ENTPD5: variants seen among roughly 807,000 people sequenced by gnomAD.
The protein encoded by ENTPD5 is nucleoside diphosphate phosphatase ENTPD5.
Under a neutral mutation model 60.2 loss-of-function variants are expected in ENTPD5, and 49 were observed. That is an observed-to-expected ratio of 0.81 (90% CI 0.65 to 1.03). The LOEUF (loss-of-function observed/expected upper bound fraction) is 1.03, where lower values mean the gene tolerates loss of function less well. ENTPD5 is among the 50% of genes least tolerant of loss of function. The pLI is 0.00. For missense variants in ENTPD5, 480 were observed against 507.6 expected, an observed-to-expected ratio of 0.95 and a Z score of 0.52; for synonymous variants, 187 against 185.4, an observed-to-expected ratio of 1.01 and a Z score of -0.07.
intron 15 of ENTPD5, among the ~76,000 whole-genome samples, chr14:73,968,561 G>A (rs927343370): frequency 1.3e-5 from 2 of 151,912 alleles, no homozygotes; most frequent in Non-Finnish European, 2.9e-5. Flanking sequence ...AAGTAGCTGG[G>A]ATTACAGGCA....
At chr14:73,959,064 C>T (rs752354813), downstream of ENTPD5, 28 of 1,614,052 alleles carry the variant, frequency 1.7e-5, no homozygotes, top group African/African-American at 3.5e-4. Context: ...TGTGGCTACT[C>T]TGCATTTATC....
chr14:74,005,170 G>GGGAGTGGATCACCTGAGGT (rs2058631981), intron 3 of ENTPD5, among the ~76,000 whole-genome samples: 1 of 150,148 alleles, frequency 6.7e-6, no homozygotes, highest in Non-Finnish European at 1.5e-5. Context: ...GGAGGCTGAG[G>GGGAGTGGATCACCTGAGGT]CAGGAGAATT....
At chr14:73,975,792 A>C in intron 10 of ENTPD5, 144 bp downstream of exon 10, 4 of 586,102 alleles carry the variant, frequency 6.8e-6, no homozygotes, top group East Asian at 2.9e-5. Context: ...TTGTAAGTGG[A>C]CCGGGTTTCA....
chr14:74,002,065 A>C (rs527293776), intron 3 of ENTPD5, among the ~76,000 whole-genome samples: 38 of 152,276 alleles, frequency 2.5e-4, no homozygotes, highest in Non-Finnish European at 3.7e-4. Flanking sequence ...GCATGATGTT[A>C]AGTATTCTAC....
chr14:73,961,469 G>A (rs201792780), downstream of ENTPD5: 24 of 1,614,208 alleles, frequency 1.5e-5, no homozygotes, highest in African/African-American at 1.7e-4. Flanking sequence ...GCAGCCCACA[G>A]AGTCCATCCG....
At chr14:73,983,702 T>G (rs34996002) in intron 5 of ENTPD5, among the ~76,000 whole-genome samples, 16,859 of 147,682 alleles carry the variant, frequency 0.11, 1,253 homozygotes, top group Admixed American at 0.2. Context: ...TTATTTTTTT[T>G]GGGACATTCT....
intron 2 of ENTPD5, among the ~76,000 whole-genome samples, chr14:74,011,852 G>C (rs1299222186): frequency 6.6e-6 from 1 of 152,054 alleles, no homozygotes; most frequent in African/African-American, 2.4e-5. Context: ...GGTTAAAAGG[G>C]ACCAAGCAGA....
At chr14:73,959,593 T>C (rs2056613644), downstream of ENTPD5, 1 of 1,610,776 alleles carries the variant, frequency 6.2e-7, no homozygotes, top group Non-Finnish European at 8.5e-7. Flanking sequence ...TTTTTTTTTT[T>C]TGAAACGGAT....
chr14:73,974,069 C>T, intron 11 of ENTPD5, 91 bp from the exon 12 acceptor site: 1 of 1,009,464 alleles, frequency 9.9e-7, no homozygotes, highest in Non-Finnish European at 1.6e-6. Context: ...AAAAGAATCA[C>T]CATGGGGGCT....
chr14:73,990,788 G>C (rs1370947603), intron 3 of ENTPD5, among the ~76,000 whole-genome samples: 1 of 151,904 alleles, frequency 6.6e-6, no homozygotes, highest in Non-Finnish European at 1.5e-5. Flanking sequence ...CAGCACTTTG[G>C]GAGGCCGAGG....
At chr14:73,985,347 C>T (rs2057855806) in intron 5 of ENTPD5, among the ~76,000 whole-genome samples, 1 of 152,212 alleles carries the variant, frequency 6.6e-6, no homozygotes, top group Non-Finnish European at 1.5e-5. Context: ...AACTAGTTTA[C>T]AGTCCCACCA....
At chr14:74,005,265 CAAAAAAAA>C (rs71115941) in intron 3 of ENTPD5, among the ~76,000 whole-genome samples, 1 of 39,990 alleles carries the variant, frequency 2.5e-5, no homozygotes, top group Admixed American at 2.8e-4. Flanking sequence ...GACTCAGTCT[CAAAAAAAA>C]AAAAAAAAGA....
intron 3 of ENTPD5, among the ~76,000 whole-genome samples, chr14:74,008,148 T>A (rs988550857): frequency 2.5e-4 from 38 of 151,580 alleles, no homozygotes; most frequent in South Asian, 6.3e-4. Flanking sequence ...AAAAAAAAAA[T>A]TTTTTAACTC....
At chr14:73,955,664 TC>T, downstream of ENTPD5, 3 of 1,433,298 alleles carry the variant, frequency 2.1e-6, no homozygotes, top group Non-Finnish European at 2.9e-6. Flanking sequence ...AGGAGAATTT[TC>T]TTCTCATTTT....
At chr14:73,991,915 C>T (rs539021260) in intron 3 of ENTPD5, among the ~76,000 whole-genome samples, 2 of 151,548 alleles carry the variant, frequency 1.3e-5, no homozygotes. Context: ...AGGAGAATCA[C>T]TTGAACCCGG....
At chr14:74,010,361 C>A (rs934794104) in intron 3 of ENTPD5, among the ~76,000 whole-genome samples, 61 of 152,212 alleles carry the variant, frequency 4.0e-4, no homozygotes, top group African/African-American at 1.4e-3. Flanking sequence ...TTGAGACCAG[C>A]CTGACCAACA....
At chr14:73,975,118 C>T in intron 10 of ENTPD5, 133 bp from the exon 11 acceptor site, 1 of 709,308 alleles carries the variant, frequency 1.4e-6, no homozygotes, top group Non-Finnish European at 2.4e-6. Context: ...GTGACATATT[C>T]ATCTCCTGTG....
intron 13 of ENTPD5, 64 bp downstream of exon 13, chr14:73,972,820 T>C: frequency 1.3e-6 from 2 of 1,576,204 alleles, no homozygotes; most frequent in Non-Finnish European, 1.7e-6. Flanking sequence ...CTCTTTCTCC[T>C]TGACCTTCCC....
chr14:73,980,992 G>A (rs556236983), intron 6 of ENTPD5, among the ~76,000 whole-genome samples: 6 of 152,068 alleles, frequency 3.9e-5, no homozygotes, highest in East Asian at 3.9e-4. Context: ...CCAGCTACTC[G>A]GGAAGCTGAG....
Sources: allele counts gnomAD v4.1 joint callset (sites outside exome capture counted in the v4.1 genomes callset), GRCh38; gene constraint gnomAD v4.1.1; transcripts MANE v1.5; gene names NCBI Gene and HGNC (gene_info 2026-07-23, HGNC 2026-07-21).